The following HCRTR2 variants were observed in gnomAD, a reference collection of about 807,000 sequenced individuals.
HCRTR2 encodes orexin receptor type 2.
HCRTR2 carries 22 observed loss-of-function variants against 49.0 expected under a neutral mutation model. The observed-to-expected ratio is 0.45, with a 90% CI of 0.32 to 0.64. The LOEUF is 0.64. Among genes scored for constraint, HCRTR2 ranks in the 30% least tolerant of loss-of-function variants. The probability of loss-of-function intolerance (pLI) is 0.04; values close to 1 mark genes in which losing one functional copy is unlikely to be tolerated. For synonymous variants in HCRTR2, 236 were observed against 205.3 expected, an observed-to-expected ratio of 1.15 and a Z score of -1.28; for missense variants, 491 against 559.4, an observed-to-expected ratio of 0.88 and a Z score of 1.23.
intron 1 of HCRTR2, among the ~76,000 whole-genome samples, chr6:55,132,892 A>G (rs1292898490): frequency 6.6e-6 from 1 of 151,786 alleles, no homozygotes; most frequent in Non-Finnish European, 1.5e-5. Flanking sequence ...AGTTTTTTAC[A>G]TAGACACCAG....
chr6:55,111,280 C>T (rs546748261), intron 1 of HCRTR2, among the ~76,000 whole-genome samples: 1 of 152,048 alleles, frequency 6.6e-6, no homozygotes, highest in East Asian at 1.9e-4. Context: ...CAAGAACAAA[C>T]CAAACCCAAA....
intron 1 of HCRTR2, chr6:55,240,636 C>G (rs1293880094): frequency 5.0e-6 from 1 of 198,178 alleles, no homozygotes; most frequent in Admixed American, 5.6e-5. Flanking sequence ...GGGCCAATGC[C>G]GTAACAGTGT....
chr6:55,276,674 T>A (rs1222599280), intron 4 of HCRTR2, among the ~76,000 whole-genome samples: 1 of 152,210 alleles, frequency 6.6e-6, no homozygotes, highest in Non-Finnish European at 1.5e-5. Flanking sequence ...AATGGAAAAG[T>A]ACAAGTTGTG....
chr6:55,141,308 C>A (rs1242314146), intron 1 of HCRTR2, among the ~76,000 whole-genome samples: 1 of 151,908 alleles, frequency 6.6e-6, no homozygotes, highest in African/African-American at 2.4e-5. Flanking sequence ...TGCGCCACTG[C>A]ACTCCAGCCT....
chr6:55,273,172 C>T (rs1178564980), intron 4 of HCRTR2, among the ~76,000 whole-genome samples: 1 of 150,844 alleles, frequency 6.6e-6, no homozygotes, highest in African/African-American at 2.4e-5. Context: ...TGTTGGAATA[C>T]AGTCATCTTC....
rs77142077 is a variant in HCRTR2 at position 55,186,156 on chromosome 6, C to T, written c.223+11346C>T. Among the ~76,000 whole-genome samples the T allele has an allele frequency of 2.0e-5, 3 of 151,884 alleles. No homozygotes were observed. The East Asian group carries it at 5.8e-4, about 29-fold the overall frequency. On this transcript the variant is annotated intron_variant, in intron 1 of 6. Coordinates refer to ENST00000370862, the MANE Select transcript of HCRTR2 (RefSeq NM_001384272.1). ...CATGAGAATAGTTTCATTTTTTTTCCTGTTTGCCAATGTATCCTCAGTGCC... is the reference window on the plus strand; with the variant it reads ...CATGAGAATAGTTTCATTTTTTTTCTTGTTTGCCAATGTATCCTCAGTGCC...
At chr6:55,203,040 C>T (rs75577563) in intron 1 of HCRTR2, among the ~76,000 whole-genome samples, 1 of 152,144 alleles carries the variant, frequency 6.6e-6, no homozygotes, top group Non-Finnish European at 1.5e-5. Context: ...AGCCTATTCC[C>T]TTTTCATTAT....
At chr6:55,277,669 T>G in intron 5 of HCRTR2, 69 bp downstream of exon 5, 2 of 1,197,968 alleles carry the variant, frequency 1.7e-6, no homozygotes, top group Non-Finnish European at 2.4e-6. Context: ...ACTTTTTTTT[T>G]TTTTTTAACT....
upstream of HCRTR2, among the ~76,000 whole-genome samples, chr6:55,170,327 A>G (rs1764930898): frequency 6.7e-6 from 1 of 149,346 alleles, no homozygotes; most frequent in South Asian, 2.1e-4. Flanking sequence ...ATTTATATAT[A>G]CATAGTATTT....
chr6:55,189,894 A>C (rs1374708206), intron 1 of HCRTR2, among the ~76,000 whole-genome samples: 1 of 152,184 alleles, frequency 6.6e-6, no homozygotes, highest in Admixed American at 6.5e-5. Context: ...TAGTGTATAG[A>C]AGGGTCATGA....
intron 1 of HCRTR2, among the ~76,000 whole-genome samples, chr6:55,158,946 C>G (rs569437082): frequency 1.3e-5 from 2 of 152,280 alleles, no homozygotes; most frequent in African/African-American, 2.4e-5. Context: ...GCACAGCGCT[C>G]GAGCTCTGCT....
intron 1 of HCRTR2, among the ~76,000 whole-genome samples, chr6:55,207,507 A>G (rs916855851): frequency 6.6e-6 from 1 of 152,156 alleles, no homozygotes; most frequent in Non-Finnish European, 1.5e-5. Flanking sequence ...TAAAGATTCC[A>G]TTAGGTTATG....
intron 1 of HCRTR2, among the ~76,000 whole-genome samples, chr6:55,244,695 C>G (rs1766397259): frequency 6.6e-6 from 1 of 151,920 alleles, no homozygotes; most frequent in South Asian, 2.1e-4. Context: ...TTGTGTAACA[C>G]AAATTTAGAG....
At chr6:55,160,466 G>T (rs1335108979) in intron 1 of HCRTR2, among the ~76,000 whole-genome samples, 2 of 152,092 alleles carry the variant, frequency 1.3e-5, no homozygotes, top group African/African-American at 4.8e-5. Flanking sequence ...ATAATGACAG[G>T]ATCAAATTCA....
intron 1 of HCRTR2, among the ~76,000 whole-genome samples, chr6:55,156,150 A>T (rs1211257436): frequency 6.6e-6 from 1 of 151,678 alleles, no homozygotes; most frequent in Non-Finnish European, 1.5e-5. Flanking sequence ...TATTATTTTT[A>T]TTAATATTAT....
At chr6:55,182,939 C>T (rs1180807806) in intron 1 of HCRTR2, among the ~76,000 whole-genome samples, 1 of 152,092 alleles carries the variant, frequency 6.6e-6, no homozygotes, top group Non-Finnish European at 1.5e-5. Flanking sequence ...TGCATAGACT[C>T]AGAACAAGAT....
At chr6:55,249,736 C>G (rs916120991) in intron 2 of HCRTR2, among the ~76,000 whole-genome samples, 1 of 152,000 alleles carries the variant, frequency 6.6e-6, no homozygotes, top group Non-Finnish European at 1.5e-5. Context: ...GTTATTATAG[C>G]TCTAAAATTT....
intron 1 of HCRTR2, among the ~76,000 whole-genome samples, chr6:55,233,575 T>C (rs934551322): frequency 2.0e-5 from 3 of 152,096 alleles, no homozygotes; most frequent in Non-Finnish European, 4.4e-5. Flanking sequence ...TGCACACCTA[T>C]AGTTGTAGCT....
chr6:55,200,374 C>A (rs1765492581), intron 1 of HCRTR2, among the ~76,000 whole-genome samples: 1 of 151,756 alleles, frequency 6.6e-6, no homozygotes, highest in Non-Finnish European at 1.5e-5. Context: ...ACGTGATTCT[C>A]CTGCCTCAGC....
Sources: allele counts gnomAD v4.1 joint callset (sites outside exome capture counted in the v4.1 genomes callset), GRCh38; gene constraint gnomAD v4.1.1; transcripts MANE v1.5; gene names NCBI Gene and HGNC (gene_info 2026-07-23, HGNC 2026-07-21).